VRK1: variants seen among roughly 807,000 people sequenced by gnomAD.
The protein encoded by VRK1 is VRK serine/threonine kinase 1, also known as serine/threonine-protein kinase VRK1.
A neutral mutation model predicts 57.1 loss-of-function variants in VRK1; 33 were observed. The ratio of observed to expected loss-of-function variants is 0.58; its 90% CI spans 0.44 to 0.77. VRK1 has a LOEUF of 0.77. VRK1 is among the 30% of genes least tolerant of loss of function. The pLI, the probability that VRK1 is intolerant of heterozygous loss-of-function variation, is 0.00. For missense variants in VRK1, 413 were observed against 477.3 expected, an observed-to-expected ratio of 0.87 and a Z score of 1.25; for synonymous variants, 137 against 147.8, an observed-to-expected ratio of 0.93 and a Z score of 0.53.
chr14:96,847,193 T>C (rs1887735990), intron 4 of VRK1, 64 bp from the exon 5 acceptor site: 4 of 1,412,080 alleles, frequency 2.8e-6, no homozygotes, highest in Non-Finnish European at 4.0e-6. Flanking sequence ...CTCTTAATGA[T>C]TTTTTAAAAA....
chr14:96,825,454 T>G (rs900938557), intron 1 of VRK1, among the ~76,000 whole-genome samples: 2 of 152,222 alleles, frequency 1.3e-5, no homozygotes, highest in East Asian at 3.8e-4. Context: ...GGAAAAATAC[T>G]AAACTTTTTT....
intron 3 of VRK1, among the ~76,000 whole-genome samples, chr14:96,838,395 A>G (rs867469412): frequency 1.6e-4 from 24 of 152,222 alleles, no homozygotes; most frequent in African/African-American, 5.1e-4. Flanking sequence ...TTGGCGAACT[A>G]GAAGACATTT....
intron 5 of VRK1, among the ~76,000 whole-genome samples, chr14:96,849,193 A>G (rs1484011310): frequency 3.9e-5 from 6 of 152,170 alleles, no homozygotes; most frequent in Non-Finnish European, 7.3e-5. Flanking sequence ...GGCATTTGGG[A>G]AATGGCTTAC....
intron 11 of VRK1, among the ~76,000 whole-genome samples, chr14:96,875,807 G>A (rs1284635310): frequency 6.6e-6 from 1 of 152,156 alleles, no homozygotes; most frequent in Admixed American, 6.6e-5. Flanking sequence ...TCTACCATCT[G>A]GGTTAACTGT....
intron 7 of VRK1, 57 bp from the exon 8 acceptor site, chr14:96,855,167 G>C: frequency 6.2e-7 from 1 of 1,612,744 alleles, no homozygotes; most frequent in Admixed American, 1.7e-5. Context: ...GTGCTTTAAA[G>C]GGTTATATGT....
intron 11 of VRK1, 111 bp from the exon 12 acceptor site, chr14:96,875,919 C>T (rs117677815): frequency 0.019 from 21,449 of 1,139,522 alleles, 262 homozygotes; most frequent in Non-Finnish European, 0.023. Flanking sequence ...TGTGTTTTGA[C>T]ACACCCACAC....
At chr14:96,851,045 A>G (rs1887924609) in intron 5 of VRK1, among the ~76,000 whole-genome samples, 1 of 152,220 alleles carries the variant, frequency 6.6e-6, no homozygotes. Context: ...TGTTACACAA[A>G]GGAAACCAGG....
rs572637598 is a variant in VRK1, at chr14:96,867,868, G to A, written c.1068+7133G>A. Among the ~76,000 whole-genome samples, 9 of 152,158 alleles carry A rather than the reference G, an allele frequency of 5.9e-5. No homozygotes were observed. In the South Asian group the frequency reaches 1.5e-3, roughly 25 times the overall value. On this transcript the variant is annotated intron_variant, in intron 11 of 12. Transcript: ENST00000216639. ...ATATTCTTGTTTTATTGGTAAGATA[G>A]CCTCTTAAATCCTTTGAGAATAGTA...
chr14:96,841,515 T>C (rs1887459417), intron 3 of VRK1, among the ~76,000 whole-genome samples: 1 of 152,196 alleles, frequency 6.6e-6, no homozygotes, highest in African/African-American at 2.4e-5. Flanking sequence ...TTTAATATTT[T>C]AGTAACTTTT....
intron 1 of VRK1, among the ~76,000 whole-genome samples, chr14:96,821,969 CTT>C (rs71103554): frequency 2.9e-4 from 42 of 142,930 alleles, no homozygotes; most frequent in African/African-American, 1.0e-3. Flanking sequence ...GATTCTCTCA[CTT>C]TTTTTTTTTT....
intron 2 of VRK1, among the ~76,000 whole-genome samples, chr14:96,837,421 T>G (rs1341192853): frequency 6.6e-6 from 1 of 152,188 alleles, no homozygotes; most frequent in African/African-American, 2.4e-5. Flanking sequence ...TTAAGAAATG[T>G]ATTACTTATC....
At chr14:96,832,419 T>G (rs1887042705) in intron 1 of VRK1, among the ~76,000 whole-genome samples, 1 of 152,190 alleles carries the variant, frequency 6.6e-6, no homozygotes, top group Non-Finnish European at 1.5e-5. Flanking sequence ...CTTTTTTGAT[T>G]AACATTTATA....
chr14:96,867,903 CTT>C (rs1407678861), intron 11 of VRK1, among the ~76,000 whole-genome samples: 1 of 151,908 alleles, frequency 6.6e-6, no homozygotes, highest in Non-Finnish European at 1.5e-5. Flanking sequence ...AATTATGAGA[CTT>C]TTTTATATTA....
At chr14:96,867,129 A>G (rs80244655) in intron 11 of VRK1, among the ~76,000 whole-genome samples, 466 of 152,190 alleles carry the variant, frequency 3.1e-3, no homozygotes, top group Non-Finnish European at 5.1e-3. Context: ...GTTAATCATG[A>G]GTCTAACGTA....
At chr14:96,879,793 G>A (rs1889180668) in intron 12 of VRK1, among the ~76,000 whole-genome samples, 2 of 151,952 alleles carry the variant, frequency 1.3e-5, no homozygotes, top group Non-Finnish European at 2.9e-5. Context: ...CCTGGGCGTG[G>A]TGACAGGCAC....
At chr14:96,798,791 G>T (rs917193196) in intron 1 of VRK1, among the ~76,000 whole-genome samples, 14 of 152,100 alleles carry the variant, frequency 9.2e-5, no homozygotes, top group Non-Finnish European at 1.9e-4. Context: ...TGTAGGTTAC[G>T]TTTATGTTCT....
At position 96,855,208 on chromosome 14, in the gene VRK1, G is replaced by C. The variant is rs1167190343; in HGVS notation, c.577-16G>C. On this transcript the variant is annotated splice_polypyrimidine_tract_variant and intron_variant, in intron 7 of 12. Transcript: ENST00000216639. Reference sequence around the variant, plus strand: ...GATTTTGACTTTAGTTTGTCTTGGTGCTTGGAAATTTATAGGTGTACTTGG... The same window carrying C: ...GATTTTGACTTTAGTTTGTCTTGGTCCTTGGAAATTTATAGGTGTACTTGG... The C allele has an allele frequency of 3.1e-6, 5 of 1,613,720 alleles. No homozygotes were observed. In the African/African-American group the frequency reaches 6.7e-5, roughly 22 times the overall value.
chr14:96,813,857 T>G (rs549892082), intron 1 of VRK1, among the ~76,000 whole-genome samples: 35 of 152,318 alleles, frequency 2.3e-4, no homozygotes, highest in African/African-American at 8.2e-4. Flanking sequence ...ACACTTTCCT[T>G]GCAACTTACT....
At chr14:96,822,529 C>A (rs747176325) in intron 1 of VRK1, among the ~76,000 whole-genome samples, 1 of 152,144 alleles carries the variant, frequency 6.6e-6, no homozygotes, top group Non-Finnish European at 1.5e-5. Context: ...CCATTCCTAT[C>A]GTGAGGTGAC....
Sources: allele counts gnomAD v4.1 joint callset (sites outside exome capture counted in the v4.1 genomes callset), GRCh38; gene constraint gnomAD v4.1.1; transcripts MANE v1.5; gene names NCBI Gene and HGNC (gene_info 2026-07-23, HGNC 2026-07-21).